The following SI variants were observed in gnomAD, a reference collection of about 807,000 sequenced individuals.
SI encodes the protein sucrase-isomaltase, intestinal.
SI carries 235 observed loss-of-function variants against 253.3 expected under a neutral mutation model. That is an observed-to-expected ratio of 0.93 (90% CI 0.83 to 1.03). The LOEUF is 1.03. SI is among the 50% of genes least tolerant of loss of function. The pLI, the probability that SI is intolerant of heterozygous loss-of-function variation, is 0.00. For missense variants in SI, 2,442 were observed against 2,211.1 expected (o/e 1.10, Z -2.09); for synonymous variants, 819 against 712.0 (o/e 1.15, Z -2.39).
At chr3:165,064,670 AG>A (rs543816427) in intron 7 of SI, among the ~76,000 whole-genome samples, 213 of 152,266 alleles carry the variant, frequency 1.4e-3, no homozygotes, top group Non-Finnish European at 2.5e-3. Context: ...TACTAAGTCA[AG>A]TATAAAGATA....
chr3:165,029,891 C>G (rs1712144587), intron 25 of SI, among the ~76,000 whole-genome samples: 1 of 150,330 alleles, frequency 6.7e-6, no homozygotes, highest in Non-Finnish European at 1.5e-5. Flanking sequence ...CTTCTCCTTA[C>G]TTTTTCTGTT....
intron 31 of SI, 120 bp downstream of exon 31, chr3:165,017,428 G>A: frequency 1.2e-6 from 1 of 845,356 alleles, no homozygotes; most frequent in East Asian, 2.7e-5. Context: ...TACATAAGGT[G>A]CCAGTAAAAA....
At chr3:165,009,223 G>T (rs914652775) in intron 35 of SI, 56 bp downstream of exon 35, 2 of 1,144,032 alleles carry the variant, frequency 1.7e-6, no homozygotes, top group Non-Finnish European at 2.6e-6. Context: ...TACTAATTTT[G>T]CATAATCACT....
upstream of SI, among the ~76,000 whole-genome samples, chr3:165,078,767 A>G (rs1715164690): frequency 6.6e-6 from 1 of 151,546 alleles, no homozygotes; most frequent in South Asian, 2.1e-4. Flanking sequence ...TTTCAAAATT[A>G]TATTTATTTT....
chr3:165,006,787 CAGAG>C, intron 37 of SI, 25 bp downstream of exon 37: 1 of 1,594,448 alleles, frequency 6.3e-7, no homozygotes, highest in Non-Finnish European at 8.6e-7. Context: ...ATAAAAGAGT[CAGAG>C]AGGATAATTC....
At chr3:165,014,529 G>A (rs530147482) in intron 33 of SI, among the ~76,000 whole-genome samples, 13 of 152,230 alleles carry the variant, frequency 8.5e-5, no homozygotes, top group Middle Eastern at 3.4e-3. Flanking sequence ...GATTACAGGC[G>A]TGAGCCACCA....
In SI at chr3:165,041,059, A is replaced by C. The variant is rs1390168554; in HGVS notation, c.2040T>G (p.Leu680=). ...QDPAFFGQNS[L]LVKSSRQYLT... The stretch of plus-strand genomic sequence containing the variant: ...AATACTGCCTTGATGATTTAACCAA[A>C]AGTGAATTCTGCCCAAAAAATGCAG... The change falls in exon 18 of 48, where the codon CTT becomes CTG. Residue 680 remains leucine, a synonymous_variant. Coordinates refer to ENST00000264382, the MANE Select transcript of SI (RefSeq NM_001041.4). 1 of 1,612,934 alleles carries C rather than the reference A, an allele frequency of 6.2e-7. No homozygotes were observed. Among genetic ancestry groups the C allele is most frequent in the Admixed American group, 1.7e-5 (1 of 59,926 alleles).
chr3:165,040,760 T>C (rs1483280597), intron 18 of SI, among the ~76,000 whole-genome samples, 180 bp downstream of exon 18: 1 of 152,094 alleles, frequency 6.6e-6, no homozygotes, highest in Non-Finnish European at 1.5e-5. Flanking sequence ...TCTACCTAAA[T>C]ATTGTCCAAT....
intron 37 of SI, among the ~76,000 whole-genome samples, chr3:165,004,922 T>TCC (rs1718430061): frequency 6.6e-6 from 1 of 152,080 alleles, no homozygotes; most frequent in Non-Finnish European, 1.5e-5. Flanking sequence ...TGGGAGGTGA[T>TCC]TCCATCATGG....
At chr3:165,034,170 A>G (rs889770111) in intron 22 of SI, among the ~76,000 whole-genome samples, 1 of 151,900 alleles carries the variant, frequency 6.6e-6, no homozygotes, top group Admixed American at 6.6e-5. Flanking sequence ...ACCTGAACTG[A>G]AGATCACTTT....
intron 45 of SI, among the ~76,000 whole-genome samples, chr3:164,984,013 T>G (rs1413478741): frequency 6.6e-6 from 1 of 152,124 alleles, no homozygotes; most frequent in Admixed American, 6.5e-5. Context: ...AAAAGATATT[T>G]TATTATTATT....
In SI at chr3:164,979,281, G is replaced by A. The variant is rs1157709663; in HGVS notation, c.*81C>T. 1 of 846,090 alleles carries A rather than the reference G, an allele frequency of 1.2e-6. No individual in the cohort carries two copies. The highest frequency in any genetic ancestry group is 2.0e-6 in the Non-Finnish European group (1 of 487,886). The allele number at this position is 846,090 out of a possible 1,614,324, so 52.4% of individuals were successfully genotyped here. On this transcript the variant is annotated 3_prime_UTR_variant, in exon 48 of 48. Coordinates refer to ENST00000264382, the MANE Select transcript of SI (RefSeq NM_001041.4). ...ATATTTTGTAGAGTACAAGAACCAA[G>A]TGAAGAGGGAAAATTGTAAGTGCTG...
At chr3:165,044,660 A>G (rs1235450811) in intron 16 of SI, among the ~76,000 whole-genome samples, 5 of 151,980 alleles carry the variant, frequency 3.3e-5, no homozygotes, top group Admixed American at 6.6e-5. Flanking sequence ...TCATTTATAG[A>G]CTATGTGAAT....
intron 5 of SI, among the ~76,000 whole-genome samples, chr3:165,068,465 C>A (rs1156796748): frequency 6.6e-6 from 1 of 152,088 alleles, no homozygotes; most frequent in Non-Finnish European, 1.5e-5. Flanking sequence ...GCCCCAACTC[C>A]CGGGTTCTCG....
chr3:164,991,957 T>G (rs1052411746), intron 43 of SI, among the ~76,000 whole-genome samples: 2 of 152,108 alleles, frequency 1.3e-5, no homozygotes, highest in African/African-American at 4.8e-5. Context: ...CATGTTTATT[T>G]GCTAAAATAA....
chr3:165,086,349 A>C, the SI span, among the ~76,000 whole-genome samples: 1 of 152,180 alleles, frequency 6.6e-6, no homozygotes, highest in South Asian at 2.1e-4. Context: ...ACCCAACAAA[A>C]GATCCTAGAA....
intron 7 of SI, among the ~76,000 whole-genome samples, chr3:165,064,467 G>C (rs1167626406): frequency 2.0e-5 from 3 of 147,246 alleles, no homozygotes; most frequent in Non-Finnish European, 4.4e-5. Context: ...CTACTCACTG[G>C]TTTATCTTTG....
intron 37 of SI, among the ~76,000 whole-genome samples, chr3:165,004,948 C>A (rs573750851): frequency 6.6e-6 from 1 of 152,030 alleles, no homozygotes; most frequent in Non-Finnish European, 1.5e-5. Flanking sequence ...GTTTCCCCTA[C>A]GCTATTCTTG....
chr3:165,038,030 A>G lies in SI; in HGVS notation c.2302-6T>C, dbSNP rs776814835. On this transcript the variant is annotated splice_polypyrimidine_tract_variant and splice_region_variant and intron_variant, in intron 20 of 47. Transcript: ENST00000264382. ...CTCCATGGCCTTTTTGCACCCTAAT[A>G]ATTGGAAGATTAAAAACATTCTTAA... 7 of 1,577,122 alleles carry G rather than the reference A, an allele frequency of 4.4e-6. No individual in the cohort carries two copies. In the South Asian group the frequency reaches 6.6e-5, roughly 15 times the overall value.
Sources: allele counts gnomAD v4.1 joint callset (sites outside exome capture counted in the v4.1 genomes callset), GRCh38; gene constraint gnomAD v4.1.1; transcripts MANE v1.5; gene names NCBI Gene and HGNC (gene_info 2026-07-23, HGNC 2026-07-21).